EPM2A: variants seen among roughly 807,000 people sequenced by gnomAD.
EPM2A encodes the protein EPM2A glucan phosphatase, laforin, also known as laforin.
A neutral mutation model predicts 26.5 loss-of-function variants in EPM2A; 21 were observed. That is an observed-to-expected ratio of 0.79 (90% confidence interval 0.56 to 1.14). The LOEUF is 1.14. Among genes scored for constraint, EPM2A ranks in the 50% most tolerant of loss-of-function variants. EPM2A has a pLI of 0.00. For synonymous variants in EPM2A, 217 were observed against 177.6 expected, an observed-to-expected ratio of 1.22 and a Z score of -1.76; for missense variants, 458 against 440.8, an observed-to-expected ratio of 1.04 and a Z score of -0.35.
At chr6:145,545,896 G>T (rs1037018208) in intron 2 of EPM2A, among the ~76,000 whole-genome samples, 3 of 152,016 alleles carry the variant, frequency 2.0e-5, no homozygotes, top group Non-Finnish European at 4.4e-5. Flanking sequence ...AGATCTGAAG[G>T]GTGTCACTTT....
chr6:145,522,371 A>G (rs1038287150), intron 2 of EPM2A, among the ~76,000 whole-genome samples: 6 of 151,982 alleles, frequency 3.9e-5, no homozygotes, highest in African/African-American at 7.3e-5. Context: ...CCTGGGGTTA[A>G]CTCACCATTT....
intron 2 of EPM2A, among the ~76,000 whole-genome samples, chr6:145,558,218 T>A (rs1780756234): frequency 6.6e-6 from 1 of 151,592 alleles, no homozygotes. Flanking sequence ...CTCGTGAGAC[T>A]TATTCAGTAC....
chr6:145,571,811 G>A (rs1312515998), intron 2 of EPM2A, among the ~76,000 whole-genome samples: 1 of 152,152 alleles, frequency 6.6e-6, no homozygotes, highest in Admixed American at 6.5e-5. Context: ...AATGACAGGG[G>A]TGGCTGGAGA....
intron 2 of EPM2A, among the ~76,000 whole-genome samples, chr6:145,664,811 G>A (rs1216012141): frequency 2.0e-5 from 3 of 152,020 alleles, no homozygotes; most frequent in African/African-American, 7.2e-5. Flanking sequence ...ATAACAAACT[G>A]TCTCTCAGAC....
chr6:145,635,951 G>T, intron 2 of EPM2A: 2 of 184,290 alleles, frequency 1.1e-5, no homozygotes, highest in Non-Finnish European at 2.3e-5. Context: ...TTTAACATAT[G>T]CTAAAGAACA....
chr6:145,655,547 G>C (rs1778215422), intron 2 of EPM2A, among the ~76,000 whole-genome samples: 1 of 152,058 alleles, frequency 6.6e-6, no homozygotes, highest in Admixed American at 6.5e-5. Context: ...GCTGTAATAT[G>C]TTTTTATATT....
At chr6:145,482,622 A>G (rs557148150) in intron 4 of EPM2A, among the ~76,000 whole-genome samples, 5 of 152,242 alleles carry the variant, frequency 3.3e-5, no homozygotes, top group Non-Finnish European at 7.4e-5. Flanking sequence ...ATAATGCATG[A>G]AAACCTCACA....
intron 2 of EPM2A, among the ~76,000 whole-genome samples, chr6:145,592,215 G>C (rs1781283692): frequency 7.6e-6 from 1 of 130,876 alleles, no homozygotes; most frequent in Non-Finnish European, 1.5e-5. Context: ...CTGTGTCCAA[G>C]TGTTCTCATT....
chr6:145,387,531 G>A (rs1256443707), intron 4 of EPM2A, among the ~76,000 whole-genome samples: 1 of 152,004 alleles, frequency 6.6e-6, no homozygotes, highest in African/African-American at 2.4e-5. Flanking sequence ...AGTTTTGTCA[G>A]GCACCAGAGG....
At chr6:145,452,458 A>C (rs1382507147) in intron 4 of EPM2A, among the ~76,000 whole-genome samples, 2 of 129,928 alleles carry the variant, frequency 1.5e-5, no homozygotes, top group African/African-American at 5.7e-5. Context: ...ATCCTGGCTA[A>C]CATGGTGAAA....
At chr6:145,390,938 G>A (rs1026193625) in intron 4 of EPM2A, among the ~76,000 whole-genome samples, 1 of 152,064 alleles carries the variant, frequency 6.6e-6, no homozygotes, top group African/African-American at 2.4e-5. Flanking sequence ...AATTGAACTT[G>A]GTCAAATTGT....
chr6:145,555,125 A>G (rs1351424402), intron 2 of EPM2A, among the ~76,000 whole-genome samples: 1 of 152,108 alleles, frequency 6.6e-6, no homozygotes, highest in Non-Finnish European at 1.5e-5. Flanking sequence ...GGGAATAATA[A>G]TATCTGCTTC....
intron 4 of EPM2A, among the ~76,000 whole-genome samples, chr6:145,475,440 A>C (rs2114728980): frequency 6.6e-6 from 1 of 152,188 alleles, no homozygotes; most frequent in South Asian, 2.1e-4. Context: ...ATGGAGGACA[A>C]CATCACACAC....
chr6:145,491,562 G>A (rs1214511281), intron 4 of EPM2A, among the ~76,000 whole-genome samples: 4 of 152,112 alleles, frequency 2.6e-5, no homozygotes, highest in Non-Finnish European at 5.9e-5. Flanking sequence ...ATGGAGCCTG[G>A]GGTTTTTATA....
At chr6:145,681,127 T>C (rs1780497109) in intron 2 of EPM2A, among the ~76,000 whole-genome samples, 1 of 152,212 alleles carries the variant, frequency 6.6e-6, no homozygotes, top group South Asian at 2.1e-4. Flanking sequence ...TTGATTTGCA[T>C]TTCTCTGATG....
intron 1 of EPM2A, among the ~76,000 whole-genome samples, chr6:145,704,112 C>A (rs2128627376): frequency 6.6e-6 from 1 of 152,298 alleles, no homozygotes; most frequent in African/African-American, 2.4e-5. Flanking sequence ...CTATCTAATA[C>A]ATATTCCCAA....
chr6:145,686,018 C>T lies in EPM2A; in HGVS notation c.476+104G>A, dbSNP rs1186569379. The T allele has an allele frequency of 5.9e-6, 6 of 1,025,286 alleles. No homozygotes were observed. In the African/African-American group the frequency reaches 9.4e-5, roughly 16 times the overall value. The allele number at this position is 1,025,286 out of a possible 1,614,324, so 63.5% of individuals were successfully genotyped here. A position where few individuals can be genotyped will look rare whatever the true frequency, so the allele number is the denominator to read the frequency against. ...CAAAGTACTACAGGCCTATAGACCC[C>T]TCCCAAGTGAGGCACTGCAGTTTCG... On this transcript the variant is annotated intron_variant, in intron 2 of 3. Transcript: ENST00000367519.
intron 1 of EPM2A, among the ~76,000 whole-genome samples, chr6:145,701,355 T>C (rs1279329303): frequency 6.6e-6 from 1 of 152,218 alleles, no homozygotes; most frequent in Non-Finnish European, 1.5e-5. Flanking sequence ...CCTAAATGTC[T>C]GCTTTGCCGT....
At position 145,735,096 on chromosome 6, in the gene EPM2A, C is replaced by G. The variant is rs1173795659; in HGVS notation, c.301+102G>C. ...ACGCGGGCAAAAAGCCCGGGACGCG[C>G]GCCGCCGGGGCCTGCGGGGCCTGCC... On this transcript the variant is annotated intron_variant, in intron 1 of 3. Transcript: ENST00000367519. The G allele has an allele frequency of 5.1e-6, 4 of 782,332 alleles. No individual in the cohort carries two copies. The South Asian group carries it at 8.5e-5, about 17-fold the overall frequency. 48.5% of individuals were successfully genotyped at this position (782,332 alleles called of 1,614,324 possible).
Sources: gnomAD v4.1 joint callset for allele counts (sites outside exome capture counted in the v4.1 genomes callset) on GRCh38, gnomAD v4.1.1 for gene constraint, MANE v1.5 for transcripts, NCBI Gene and HGNC (gene_info 2026-07-23, HGNC 2026-07-21) for gene names.